Variants in ZSWIM3 observed in about 807,000 individuals in gnomAD.
ZSWIM3 encodes the protein zinc finger SWIM domain-containing protein 3.
In ZSWIM3, 27 loss-of-function variants were observed where a neutral mutation model predicts 47.5. The observed-to-expected ratio is 0.57, with a 90% confidence interval of 0.42 to 0.78. The LOEUF is 0.78. ZSWIM3 is among the 30% of genes least tolerant of loss of function. ZSWIM3 has a pLI of 0.00. For synonymous variants in ZSWIM3, 333 were observed against 333.9 expected (o/e 1.00, Z 0.03); for missense variants, 689 against 861.3 (o/e 0.80, Z 2.50).
At chr20:45,869,502 A>C in intron 1 of ZSWIM3, among the ~76,000 whole-genome samples, 1 of 150,986 alleles carries the variant, frequency 6.6e-6, no homozygotes, top group East Asian at 2.0e-4. Flanking sequence ...CTGGGCAATA[A>C]GAGCAAAACT....
intron 1 of ZSWIM3, among the ~76,000 whole-genome samples, chr20:45,863,157 ATTGATTTCC>A (rs1985750614): frequency 7.3e-6 from 1 of 137,580 alleles, no homozygotes; most frequent in Non-Finnish European, 1.6e-5. Context: ...TTTGACTTTC[ATTGATTTCC>A]TTGTTTTTTT....
chr20:45,868,255 G>C (rs1204895272), intron 1 of ZSWIM3, among the ~76,000 whole-genome samples: 1 of 152,148 alleles, frequency 6.6e-6, no homozygotes, highest in Non-Finnish European at 1.5e-5. Context: ...AAAGGAAGAA[G>C]GGAAATCAAC....
intron 1 of ZSWIM3, among the ~76,000 whole-genome samples, chr20:45,865,414 G>A (rs1404356091): frequency 2.0e-5 from 3 of 152,134 alleles, no homozygotes; most frequent in Admixed American, 2.0e-4. Context: ...CGTGAACCCG[G>A]GAGGCGGAGC....
In ZSWIM3 at chr20:45,878,389, G is replaced by C; in HGVS notation, c.1831G>C (p.Glu611Gln). 1 of 1,614,260 alleles carries C rather than the reference G, an allele frequency of 6.2e-7. No individual in the cohort carries two copies. Among genetic ancestry groups the C allele is most frequent in the Non-Finnish European group, 8.5e-7 (1 of 1,180,058 alleles). Residue 611 changes from glutamate to glutamine, a missense_variant, in exon 2 of 2, where the codon GAG (glutamate) becomes CAG (glutamine). Physicochemically the swap from Glu to Gln is conservative, Grantham distance 29 (BLOSUM62 2). Transcript: ENST00000255152. ...TATGGTCCCAAACACAGGCCAGCCT[G>C]AGAAGCAAGGACGGAACGACATGAT... Reference protein sequence around the residue: ...RGMVPNTGQPEKQGRNDMIQD... With the variant: ...RGMVPNTGQPQKQGRNDMIQD...
At position 45,877,455 on chromosome 20, in the gene ZSWIM3, T is replaced by C. The variant is rs1160242281; in HGVS notation, c.897T>C (p.Pro299=). The change falls in exon 2 of 2, where the codon CCT becomes CCC. Residue 299 remains proline (P), a synonymous_variant. Coordinates refer to ENST00000255152, the MANE Select transcript of ZSWIM3 (RefSeq NM_080752.4). ...GGGCTATCCTGCAGGAGATCTTTCC[T>C]GCTGCCCGCATCCTCCTTTCCATCT... The part of the protein sequence containing the change: ...HYRAILQEIF[P]AARILLSIYH... The C allele has an allele frequency of 6.2e-7, 1 of 1,614,096 alleles. No individual in the cohort carries two copies. The highest frequency in any genetic ancestry group is 8.5e-7 in the Non-Finnish European group (1 of 1,180,054).
chr20:45,864,063 G>A (rs932753495), intron 1 of ZSWIM3, among the ~76,000 whole-genome samples: 3 of 152,164 alleles, frequency 2.0e-5, no homozygotes, highest in African/African-American at 7.2e-5. Flanking sequence ...CTTAATTGTT[G>A]TACTTAGCCA....
intron 1 of ZSWIM3, among the ~76,000 whole-genome samples, chr20:45,860,690 T>C (rs551362915): frequency 6.6e-6 from 1 of 152,268 alleles, no homozygotes; most frequent in African/African-American, 2.4e-5. Context: ...CTCCCTCTTC[T>C]GCCTCCCTCT....
rs927442640 is a variant in ZSWIM3 at position 45,857,979 on chromosome 20, C to G, written c.154C>G (p.Leu52Val). ...NHGTSIREDI[L>V]YVQVKFVCIR... ...TGGCACCTCCATCCGCGAAGACATC[C>G]TGTAAGGGCGGGCGGGGCGGGGCGG... The change falls in exon 1 of 2, where the codon CTG becomes GTG. Residue 52 changes from leucine (L) to valine (V), a missense_variant and splice_region_variant. Transcript: ENST00000255152. 5 of 496,740 alleles carry G rather than the reference C, an allele frequency of 1.0e-5. No homozygotes were observed. Among genetic ancestry groups the G allele is most frequent in the Non-Finnish European group, 1.4e-5 (4 of 278,072 alleles). The allele number at this position is 496,740 out of a possible 1,614,324, so 30.8% of individuals were successfully genotyped here.
intron 1 of ZSWIM3, among the ~76,000 whole-genome samples, chr20:45,867,582 A>T (rs1461410425): frequency 6.6e-6 from 1 of 152,170 alleles, no homozygotes; most frequent in Non-Finnish European, 1.5e-5. Flanking sequence ...GGGAATCAGG[A>T]TATCTTAAAT....
At chr20:45,858,829 A>G (rs2145783735) in intron 1 of ZSWIM3, among the ~76,000 whole-genome samples, 1 of 152,246 alleles carries the variant, frequency 6.6e-6, no homozygotes, top group Non-Finnish European at 1.5e-5. Flanking sequence ...TTGACAGATG[A>G]GAAGATTTGA....
chr20:45,878,913 C>G lies in ZSWIM3; in HGVS notation c.*264C>G. The G allele has an allele frequency of 4.7e-6, 2 of 424,206 alleles. No homozygotes were observed. Among genetic ancestry groups the G allele is most frequent in the Non-Finnish European group, 8.5e-6 (2 of 235,760 alleles). The allele number at this position is 424,206 out of a possible 1,614,324, so 26.3% of individuals were successfully genotyped here. On this transcript the variant is annotated 3_prime_UTR_variant, in exon 2 of 2. Coordinates refer to ENST00000255152, the MANE Select transcript of ZSWIM3 (RefSeq NM_080752.4). ...TATCTCCGTGCTGCAAGGTCACCCTCTTCCTCCCCCAGCCCCTGAGATCAG... is the reference window on the plus strand; with the variant it reads ...TATCTCCGTGCTGCAAGGTCACCCTGTTCCTCCCCCAGCCCCTGAGATCAG...
chr20:45,868,092 T>G (rs1404871752), intron 1 of ZSWIM3, among the ~76,000 whole-genome samples: 1 of 152,198 alleles, frequency 6.6e-6, no homozygotes, highest in Non-Finnish European at 1.5e-5. Context: ...GTAGTCAATT[T>G]CTGGCTGATG....
At chr20:45,859,816 A>ACAAAAAAC (rs1985661243) in intron 1 of ZSWIM3, among the ~76,000 whole-genome samples, 1 of 129,304 alleles carries the variant, frequency 7.7e-6, no homozygotes, top group Admixed American at 9.0e-5. Flanking sequence ...AAAAAAAAAA[A>ACAAAAAAC]CCACAGTTGC....
In ZSWIM3 at chr20:45,878,038, A is replaced by G. The variant is rs147945069; in HGVS notation, c.1480A>G (p.Met494Val). ...QSQVPPSQVG[M>V]LDTLHQSGSE... ...ACAAGTGCCGCCCTCGCAGGTTGGC[A>G]TGCTGGACACCTTGCACCAGAGTGG... Residue 494 changes from methionine (M) to valine (V), a missense_variant, in exon 2 of 2, where the codon ATG becomes GTG. Coordinates refer to ENST00000255152, the MANE Select transcript of ZSWIM3 (RefSeq NM_080752.4). 1.9e-5 allele frequency: 30 copies of G among 1,614,062 alleles called. No homozygotes were observed. Among genetic ancestry groups the G allele is most frequent in the Non-Finnish European group, 2.1e-5 (25 of 1,180,036 alleles).
chr20:45,869,249 T>C (rs1347659113), intron 1 of ZSWIM3, among the ~76,000 whole-genome samples: 2 of 152,042 alleles, frequency 1.3e-5, no homozygotes, highest in African/African-American at 4.8e-5. Context: ...CCGGGCGCAG[T>C]GGCTCATGCC....
chr20:45,858,567 A>C (rs1180573977), intron 1 of ZSWIM3, among the ~76,000 whole-genome samples: 3 of 152,226 alleles, frequency 2.0e-5, no homozygotes, highest in South Asian at 4.2e-4. Flanking sequence ...TTTTGTACAG[A>C]CTGGGTCTTG....
Position 45,857,902 on chromosome 20 carries a change from G to A in ZSWIM3, c.77G>A (p.Cys26Tyr). Residue 26 changes from cysteine to tyrosine, a missense_variant, in exon 1 of 2, where the codon TGC becomes TAC. Coordinates refer to ENST00000255152, the MANE Select transcript of ZSWIM3 (RefSeq NM_080752.4). ...AGCGCCTACAAAAGGGAGAACAGGT[G>A]CTCCTTCATTCTCAGGGACTGCGTC... Reference protein sequence around the residue: ...CFSAYKRENRCSFILRDCVSV... With the variant: ...CFSAYKRENRYSFILRDCVSV... 1 of 1,608,242 alleles carries A rather than the reference G, an allele frequency of 6.2e-7. No homozygotes were observed. The highest frequency in any genetic ancestry group is 1.4e-5 in the African/African-American group (1 of 73,634).
At chr20:45,875,578 T>A (rs1405509328) in intron 1 of ZSWIM3, among the ~76,000 whole-genome samples, 1 of 151,528 alleles carries the variant, frequency 6.6e-6, no homozygotes, top group Non-Finnish European at 1.5e-5. Flanking sequence ...CTCGGCTCCC[T>A]GCAACCTCTG....
chr20:45,872,482 A>G (rs1211525924), intron 1 of ZSWIM3, among the ~76,000 whole-genome samples: 1 of 152,218 alleles, frequency 6.6e-6, no homozygotes, highest in Non-Finnish European at 1.5e-5. Context: ...TTAGCAGAAG[A>G]GTAGTACCCA....
Sources: gnomAD v4.1 joint callset for allele counts (sites outside exome capture counted in the v4.1 genomes callset) on GRCh38, gnomAD v4.1.1 for gene constraint, MANE v1.5 for transcripts, NCBI Gene and HGNC (gene_info 2026-07-23, HGNC 2026-07-21) for gene names.